LCMT1: variants seen among roughly 807,000 people sequenced by gnomAD.
LCMT1 encodes the protein [Phosphatase 2A protein]-leucine-carboxy methyltransferase 1.
In LCMT1, 32 loss-of-function variants were observed where a neutral mutation model predicts 47.7. That is an observed-to-expected ratio of 0.67 (90% CI 0.51 to 0.90). The LOEUF is 0.90. LCMT1 is among the 40% of genes least tolerant of loss of function. The pLI is 0.00. For synonymous variants in LCMT1, 152 were observed against 149.7 expected (o/e 1.02, Z -0.11); for missense variants, 375 against 415.2 (o/e 0.90, Z 0.84).
intron 9 of LCMT1, 116 bp downstream of exon 9, chr16:25,170,921 A>G (rs1241205998): frequency 2.7e-6 from 2 of 740,424 alleles, no homozygotes; most frequent in Non-Finnish European, 4.4e-6. Context: ...ATTAAAAAAC[A>G]AAAAACAAAC....
In LCMT1 at chr16:25,178,003, C is replaced by T. The variant is rs780615720; in HGVS notation, c.985C>T (p.Leu329=). The change falls in exon 11 of 11, where the codon CTG becomes TTG. Residue 329 remains leucine (L), a splice_region_variant and synonymous_variant. Coordinates refer to ENST00000399069, the MANE Select transcript of LCMT1 (RefSeq NM_016309.3). The stretch of plus-strand genomic sequence containing the variant: ...TGTCTGTGTGTCTCTCCCCTCAGGG[C>T]TGAAGGAGATAACTTATTAATCTGT... The part of the protein sequence containing the change: ...WATKGGNELG[L]KEITY 6 of 1,613,712 alleles carry T rather than the reference C, an allele frequency of 3.7e-6. No individual in the cohort carries two copies. The highest frequency in any genetic ancestry group is 2.2e-5 in the South Asian group (2 of 91,056).
intron 7 of LCMT1, among the ~76,000 whole-genome samples, chr16:25,167,065 GAGATGATGGATTCAGTGAATTCTGACC>G: frequency 6.6e-6 from 1 of 152,246 alleles, no homozygotes; most frequent in South Asian, 2.1e-4. Flanking sequence ...CATCATATGA[GAGATGATGGATTCAGTGAATTCTGACC>G]AGAGATCTTG....
chr16:25,159,600 G>A (rs906557857), intron 5 of LCMT1, among the ~76,000 whole-genome samples: 2 of 152,154 alleles, frequency 1.3e-5, no homozygotes, highest in East Asian at 1.9e-4. Flanking sequence ...TTCCTGACTC[G>A]TGACACCCTG....
chr16:25,162,118 C>T (rs868699323), intron 6 of LCMT1, among the ~76,000 whole-genome samples: 4 of 152,090 alleles, frequency 2.6e-5, no homozygotes, highest in Non-Finnish European at 5.9e-5. Flanking sequence ...GTTCCACTTT[C>T]GTGGGTGTCT....
intron 1 of LCMT1, among the ~76,000 whole-genome samples, chr16:25,112,979 A>G (rs1959669523): frequency 6.6e-6 from 1 of 151,916 alleles, no homozygotes; most frequent in African/African-American, 2.4e-5. Flanking sequence ...CATCTCTACT[A>G]AAAATACAAA....
rs145644572 is a variant in LCMT1 at position 25,170,950 on chromosome 16, G to C, written c.884+145G>C. The C allele has an allele frequency of 6.2e-4, 352 of 567,974 alleles. 1 individual carries two copies. The highest frequency in any genetic ancestry group is 5.5e-3 in the African/African-American group (287 of 52,152). 35.2% of individuals were successfully genotyped at this position (567,974 alleles called of 1,614,324 possible). A position where few individuals can be genotyped will look rare whatever the true frequency, so the allele number is the denominator to read the frequency against. ...AACAAACAAACAAATAAAAAACAAG[G>C]CCAGGCACGGTGGCTCACACCTGTA... On this transcript the variant is annotated intron_variant, in intron 9 of 10. Coordinates refer to ENST00000399069, the MANE Select transcript of LCMT1 (RefSeq NM_016309.3).
At chr16:25,155,365 G>T (rs1299317364) in intron 5 of LCMT1, among the ~76,000 whole-genome samples, 1 of 152,048 alleles carries the variant, frequency 6.6e-6, no homozygotes, top group Non-Finnish European at 1.5e-5. Context: ...AGGGCACCTA[G>T]TGAGACCCTG....
intron 1 of LCMT1, 41 bp from the exon 2 acceptor site, chr16:25,128,434 C>T (rs1393997007): frequency 6.8e-7 from 1 of 1,469,128 alleles, no homozygotes; most frequent in South Asian, 1.2e-5. Context: ...TCTGAACCTA[C>T]TCAATCTCTA....
chr16:25,129,115 G>A (rs2141645465), intron 2 of LCMT1, among the ~76,000 whole-genome samples: 1 of 150,152 alleles, frequency 6.7e-6, no homozygotes, highest in African/African-American at 2.4e-5. Context: ...GCTAAGAATG[G>A]CTTCCAGCTT....
In LCMT1 at chr16:25,140,364, C is replaced by G; in HGVS notation, c.404+117C>G. On this transcript the variant is annotated intron_variant, in intron 4 of 10. Transcript: ENST00000399069. Reference sequence around the variant, plus strand: ...TTAGGGTGTTGCCTTCCGTTCACTGCCCCCCACCAACTTTTTTTTTGCCCT... The same window carrying G: ...TTAGGGTGTTGCCTTCCGTTCACTGGCCCCCACCAACTTTTTTTTTGCCCT... 3 of 758,796 alleles carry G rather than the reference C, an allele frequency of 4.0e-6. No homozygotes were observed. The Admixed American group carries it at 7.6e-5, about 19-fold the overall frequency. The allele number at this position is 758,796 out of a possible 1,614,324, so 47.0% of individuals were successfully genotyped here.
chr16:25,127,789 C>T (rs1049395896), intron 1 of LCMT1, among the ~76,000 whole-genome samples: 11 of 152,188 alleles, frequency 7.2e-5, no homozygotes, highest in African/African-American at 2.4e-4. Flanking sequence ...TTCGGGATCC[C>T]GCTTCTTTTC....
chr16:25,166,981 A>C (rs754152923), intron 7 of LCMT1, among the ~76,000 whole-genome samples: 1 of 152,168 alleles, frequency 6.6e-6, no homozygotes, highest in Non-Finnish European at 1.5e-5. Context: ...CATACTCCAC[A>C]TGTTTTGGAT....
intron 1 of LCMT1, among the ~76,000 whole-genome samples, chr16:25,119,767 T>A (rs1481098402): frequency 6.6e-6 from 1 of 152,050 alleles, no homozygotes; most frequent in Non-Finnish European, 1.5e-5. Flanking sequence ...GTCGAGATTG[T>A]GATCTGAAAT....
In LCMT1 at chr16:25,168,582, A is replaced by T. The variant is rs1961655645; in HGVS notation, c.691-530A>T. On this transcript the variant is annotated intron_variant, in intron 7 of 10. Coordinates refer to ENST00000399069, the MANE Select transcript of LCMT1 (RefSeq NM_016309.3). ...CTAATCTGGGAAGCAAGGCTGCCAC[A>T]TTCCAGAATTTTTCTATGTACATAG... is the stretch of plus-strand genomic sequence containing the variant. Among the ~76,000 whole-genome samples the T allele has an allele frequency of 2.0e-5, 3 of 152,300 alleles. No homozygotes were observed. In the South Asian group the frequency reaches 6.2e-4, roughly 32 times the overall value.
chr16:25,135,510 A>G (rs1364152298), intron 3 of LCMT1, among the ~76,000 whole-genome samples: 2 of 152,204 alleles, frequency 1.3e-5, no homozygotes, highest in East Asian at 1.9e-4. Context: ...TGCAAAGGCT[A>G]AAATATTTAC....
chr16:25,144,893 G>A (rs919023606), intron 4 of LCMT1: 8 of 152,216 alleles, frequency 5.3e-5, no homozygotes, highest in African/African-American at 1.9e-4. Context: ...AACATACAAG[G>A]TAAGTGGTTT....
At chr16:25,125,244 ATG>A (rs1190727410) in intron 1 of LCMT1, among the ~76,000 whole-genome samples, 1 of 152,208 alleles carries the variant, frequency 6.6e-6, no homozygotes, top group African/African-American at 2.4e-5. Flanking sequence ...TTGCATGTGT[ATG>A]TATTCTCTAA....
intron 5 of LCMT1, among the ~76,000 whole-genome samples, chr16:25,156,481 C>G (rs1567323417): frequency 6.6e-6 from 1 of 152,264 alleles, no homozygotes; most frequent in East Asian, 1.9e-4. Flanking sequence ...GAGAAAAGAA[C>G]AGCAAGTGAA....
At chr16:25,168,061 T>C (rs1597603750) in intron 7 of LCMT1, among the ~76,000 whole-genome samples, 2 of 151,466 alleles carry the variant, frequency 1.3e-5, no homozygotes, top group Admixed American at 6.6e-5. Context: ...CCAGCCTTTT[T>C]TTTTTGAGAC....
Sources: gnomAD v4.1 joint callset for allele counts (sites outside exome capture counted in the v4.1 genomes callset) on GRCh38, gnomAD v4.1.1 for gene constraint, MANE v1.5 for transcripts, NCBI Gene and HGNC (gene_info 2026-07-23, HGNC 2026-07-21) for gene names.